Variants in SLC2A9 observed in about 807,000 individuals in gnomAD.
SLC2A9 encodes the protein solute carrier family 2 member 9.
In SLC2A9, 39 loss-of-function variants were observed where a neutral mutation model predicts 50.6. The ratio of observed to expected loss-of-function variants is 0.77; its 90% CI spans 0.60 to 1.01. The LOEUF is 1.01. Ranked by LOEUF, SLC2A9 falls within the 50% of genes least tolerant of loss-of-function variation. The probability of loss-of-function intolerance (pLI) is 0.00; values close to 1 mark genes in which losing one functional copy is unlikely to be tolerated. For synonymous variants in SLC2A9, 324 were observed against 276.9 expected, an observed-to-expected ratio of 1.17 and a Z score of -1.69; for missense variants, 686 against 677.6, an observed-to-expected ratio of 1.01 and a Z score of -0.14.
intron 8 of SLC2A9, among the ~76,000 whole-genome samples, chr4:9,902,139 A>C (rs532379349): frequency 8.9e-5 from 13 of 146,288 alleles, no homozygotes; most frequent in African/African-American, 3.4e-4. Flanking sequence ...GAGCCTGACC[A>C]CAATATTTAA....
intron 10 of SLC2A9, among the ~76,000 whole-genome samples, chr4:9,866,336 C>A (rs546549267): frequency 1.3e-5 from 2 of 152,234 alleles, no homozygotes; most frequent in African/African-American, 4.8e-5. Context: ...ATCCACACAA[C>A]AGCCCATGTG....
intron 3 of SLC2A9, among the ~76,000 whole-genome samples, chr4:9,793,801 G>T (rs530652659): frequency 3.9e-5 from 6 of 152,194 alleles, no homozygotes; most frequent in Non-Finnish European, 8.8e-5. Context: ...AAATTCAAAG[G>T]TGCCAGGCCT....
chr4:10,017,385 C>G (rs926553505), intron 2 of SLC2A9, among the ~76,000 whole-genome samples: 1 of 152,160 alleles, frequency 6.6e-6, no homozygotes, highest in Non-Finnish European at 1.5e-5. Context: ...AGACAAATAT[C>G]GACAAGCCAG....
chr4:9,960,297 G>A (rs1177772674), intron 5 of SLC2A9, among the ~76,000 whole-genome samples: 1 of 152,216 alleles, frequency 6.6e-6, no homozygotes, highest in African/African-American at 2.4e-5. Flanking sequence ...TTTCTGCCTG[G>A]AAAATAAGTT....
rs113401797 is a variant in SLC2A9 at position 9,919,206 on chromosome 4, G to A, written c.1002+1179C>T. 3.6e-3 allele frequency among the ~76,000 whole-genome samples: 554 copies of A among 152,250 alleles called. 3 individuals carry two copies. Among genetic ancestry groups the A allele is most frequent in the Non-Finnish European group, 4.4e-3 (296 of 68,022 alleles). ...GACTGTCTGGCAAAACCTCGGTCTC[G>A]TCAACAGGAAGAGACAACAGGACTC... On this transcript the variant is annotated intron_variant, in intron 7 of 11. Coordinates refer to ENST00000264784, the MANE Select transcript of SLC2A9 (RefSeq NM_020041.3).
intron 6 of SLC2A9, among the ~76,000 whole-genome samples, chr4:9,936,504 C>T (rs562725867): frequency 2.6e-5 from 4 of 152,268 alleles, no homozygotes; most frequent in African/African-American, 9.6e-5. Context: ...TTACCAGGTA[C>T]AAAGAGGGGA....
At chr4:9,837,813 C>A (rs965391485) in intron 10 of SLC2A9, among the ~76,000 whole-genome samples, 1 of 152,168 alleles carries the variant, frequency 6.6e-6, no homozygotes, top group African/African-American at 2.4e-5. Context: ...GAGGAGCCTG[C>A]ACAGCTCCAC....
chr4:9,826,269 A>T lies in SLC2A9; in HGVS notation c.*128T>A, dbSNP rs1725104713. On this transcript the variant is annotated 3_prime_UTR_variant, in exon 12 of 12. Coordinates refer to ENST00000264784, the MANE Select transcript of SLC2A9 (RefSeq NM_020041.3). ...TTTTAAATATTTAATAATATAAAAGACTTGCATAGCTTCAATTCATTTAAG... is the reference window on the plus strand; with the variant it reads ...TTTTAAATATTTAATAATATAAAAGTCTTGCATAGCTTCAATTCATTTAAG... 2 of 861,500 alleles carry T rather than the reference A, an allele frequency of 2.3e-6. No homozygotes were observed. The highest frequency in any genetic ancestry group is 2.9e-5 in the South Asian group (2 of 68,262). The allele number at this position is 861,500 out of a possible 1,614,324, so 53.4% of individuals were successfully genotyped here. A position where few individuals can be genotyped will look rare whatever the true frequency, so the allele number is the denominator to read the frequency against.
chr4:9,886,028 G>A (rs1351410101), intron 10 of SLC2A9, among the ~76,000 whole-genome samples: 1 of 152,186 alleles, frequency 6.6e-6, no homozygotes, highest in Non-Finnish European at 1.5e-5. Flanking sequence ...TGAGATAGAG[G>A]GTAGGTGTGC....
chr4:9,870,819 G>A (rs541075370), intron 10 of SLC2A9, among the ~76,000 whole-genome samples: 123 of 152,318 alleles, frequency 8.1e-4, no homozygotes, highest in African/African-American at 2.8e-3. Flanking sequence ...TGGAGCTGTG[G>A]TGTCCTCATG....
intron 3 of SLC2A9, among the ~76,000 whole-genome samples, chr4:9,807,085 T>C (rs7664572): frequency 0.93 from 142,248 of 152,160 alleles, 66,663 homozygotes; most frequent in Middle Eastern, 0.96. Context: ...TAATCCCAGA[T>C]ATAGTGGCCA....
chr4:9,782,658 C>G, intron 3 of SLC2A9: 2 of 1,614,008 alleles, frequency 1.2e-6, no homozygotes, highest in Non-Finnish European at 1.7e-6. Context: ...TTTTGGGAGC[C>G]CGACGTGAAT....
intron 10 of SLC2A9, among the ~76,000 whole-genome samples, chr4:9,886,576 C>T (rs948428760): frequency 3.9e-5 from 6 of 152,086 alleles, no homozygotes; most frequent in African/African-American, 1.4e-4. Flanking sequence ...TGAATGGACA[C>T]TTTCCATCCA....
intron 8 of SLC2A9, among the ~76,000 whole-genome samples, chr4:9,891,837 C>T (rs1737505964): frequency 1.3e-5 from 2 of 152,170 alleles, no homozygotes; most frequent in South Asian, 2.1e-4. Flanking sequence ...GCTGGATGGT[C>T]CCCATCACGA....
intron 10 of SLC2A9, among the ~76,000 whole-genome samples, chr4:9,846,142 T>C (rs55864719): frequency 6.6e-6 from 1 of 152,048 alleles, no homozygotes; most frequent in Non-Finnish European, 1.5e-5. Flanking sequence ...TGGCTCCGAA[T>C]CCAAGAGATC....
chr4:9,920,650 G>A (rs1003017732), intron 6 of SLC2A9, 78 bp from the exon 7 acceptor site: 28 of 1,551,058 alleles, frequency 1.8e-5, no homozygotes, highest in African/African-American at 4.1e-5. Flanking sequence ...CTGCAGGGAC[G>A]GGTCCCACCT....
intron 3 of SLC2A9, among the ~76,000 whole-genome samples, chr4:9,807,180 T>C (rs1722238478): frequency 6.6e-6 from 1 of 152,154 alleles, no homozygotes; most frequent in Non-Finnish European, 1.5e-5. Flanking sequence ...CAACTTCAGG[T>C]GCACCCCTCT....
intron 3 of SLC2A9, among the ~76,000 whole-genome samples, chr4:9,818,757 C>T (rs948300432): frequency 1.3e-5 from 2 of 152,210 alleles, no homozygotes; most frequent in African/African-American, 4.8e-5. Flanking sequence ...AGCATTGACA[C>T]AGTCTCTGTT....
intron 1 of SLC2A9, among the ~76,000 whole-genome samples, chr4:9,771,608 C>G (rs1716829280): frequency 1.3e-5 from 2 of 152,326 alleles, no homozygotes; most frequent in South Asian, 4.1e-4. Context: ...AGGCTGACTC[C>G]AAGAGGCTAA....
Sources: gnomAD v4.1 joint callset for allele counts (sites outside exome capture counted in the v4.1 genomes callset) on GRCh38, gnomAD v4.1.1 for gene constraint, MANE v1.5 for transcripts, NCBI Gene and HGNC (gene_info 2026-07-23, HGNC 2026-07-21) for gene names.